MTREX: variants seen among roughly 807,000 people sequenced by gnomAD.
MTREX encodes the protein Mtr4 exosome RNA helicase.
MTREX carries 76 observed loss-of-function variants against 135.4 expected under a neutral mutation model. The ratio of observed to expected loss-of-function variants is 0.56; its 90% confidence interval spans 0.47 to 0.68. MTREX has a LOEUF of 0.68. MTREX is among the 30% of genes least tolerant of loss of function. The pLI is 0.00. For synonymous variants in MTREX, 404 were observed against 401.6 expected, an observed-to-expected ratio of 1.01 and a Z score of -0.07; for missense variants, 920 against 1,262.1, an observed-to-expected ratio of 0.73 and a Z score of 4.11.
At chr5:55,382,870 G>A (rs1313430345) in intron 18 of MTREX, among the ~76,000 whole-genome samples, 1 of 152,170 alleles carries the variant, frequency 6.6e-6, no homozygotes, top group Non-Finnish European at 1.5e-5. Flanking sequence ...CTAACCTCAG[G>A]TAATCCAGCT....
intron 1 of MTREX, among the ~76,000 whole-genome samples, chr5:55,320,873 T>G (rs529482085): frequency 6.6e-6 from 1 of 152,172 alleles, no homozygotes; most frequent in South Asian, 2.1e-4. Flanking sequence ...TACCCTGTCC[T>G]TTTTTAGTTA....
At chr5:55,384,399 T>G (rs542620179) in intron 18 of MTREX, among the ~76,000 whole-genome samples, 111 of 152,376 alleles carry the variant, frequency 7.3e-4, no homozygotes, top group African/African-American at 2.5e-3. Flanking sequence ...TTCTGTTTGA[T>G]ACAACATTGT....
At chr5:55,369,683 A>G (rs1477207846) in intron 16 of MTREX, among the ~76,000 whole-genome samples, 1 of 152,116 alleles carries the variant, frequency 6.6e-6, no homozygotes, top group Non-Finnish European at 1.5e-5. Flanking sequence ...TAAAAAGAAA[A>G]CCTTTTACCT....
At chr5:55,338,107 A>G (rs967614895) in intron 5 of MTREX, among the ~76,000 whole-genome samples, 1 of 152,162 alleles carries the variant, frequency 6.6e-6, no homozygotes, top group Non-Finnish European at 1.5e-5. Context: ...TGTGTTTTCT[A>G]AAAATATTAA....
intron 22 of MTREX, among the ~76,000 whole-genome samples, chr5:55,405,821 C>T (rs1379628523): frequency 6.6e-6 from 1 of 151,948 alleles, no homozygotes; most frequent in Non-Finnish European, 1.5e-5. Flanking sequence ...ATCTTCCACA[C>T]TAAATACAGT....
chr5:55,404,950 T>G (rs1750779175), intron 21 of MTREX, among the ~76,000 whole-genome samples: 1 of 151,864 alleles, frequency 6.6e-6, no homozygotes, highest in Non-Finnish European at 1.5e-5. Context: ...ACTACAGGCA[T>G]GCGCCCGCCA....
rs903612335 is a variant in MTREX at position 55,416,325 on chromosome 5, G to T, written c.2971+193G>T. Reference sequence around the variant, plus strand: ...TTTAATAAGCATAGTCTGTTCATTAGAAAGTCCTTTAGAAACTATTTTAAA... The same window carrying T: ...TTTAATAAGCATAGTCTGTTCATTATAAAGTCCTTTAGAAACTATTTTAAA... On this transcript the variant is annotated intron_variant, in intron 25 of 26. Transcript: ENST00000230640. Among the ~76,000 whole-genome samples the T allele has an allele frequency of 4.6e-5, 7 of 152,088 alleles. No homozygotes were observed. In the South Asian group the frequency reaches 1.4e-3, roughly 31 times the overall value.
chr5:55,313,953 A>G (rs1749157804), intron 1 of MTREX, among the ~76,000 whole-genome samples: 1 of 152,062 alleles, frequency 6.6e-6, no homozygotes, highest in Admixed American at 6.6e-5. Context: ...TATTTTGACC[A>G]AGAGATCATC....
intron 21 of MTREX, among the ~76,000 whole-genome samples, chr5:55,401,886 A>G (rs891384676): frequency 1.3e-5 from 2 of 151,628 alleles, no homozygotes; most frequent in Non-Finnish European, 1.5e-5. Context: ...GAAACTTACA[A>G]CTCCTTGCTG....
In MTREX at chr5:55,374,055, C is replaced by G. The variant is rs543394960; in HGVS notation, c.1811-4259C>G. The stretch of plus-strand genomic sequence containing the variant: ...AGTGGATCACTTGAGGCCAGGAGTT[C>G]AAGACCAGCCTGGCCAACATGGCGA... On this transcript the variant is annotated intron_variant, in intron 16 of 26. Coordinates refer to ENST00000230640, the MANE Select transcript of MTREX (RefSeq NM_015360.5). 1.4e-3 allele frequency among the ~76,000 whole-genome samples: 210 copies of G among 152,044 alleles called. 1 individual carries two copies. Among genetic ancestry groups the G allele is most frequent in the African/African-American group, 4.8e-3 (200 of 41,476 alleles).
chr5:55,390,098 C>A (rs1468888993), intron 19 of MTREX, among the ~76,000 whole-genome samples: 7 of 151,756 alleles, frequency 4.6e-5, no homozygotes, highest in African/African-American at 7.3e-5. Flanking sequence ...TTATAGAAGA[C>A]TACTTTCTTT....
chr5:55,317,686 C>G (rs1055777785), intron 1 of MTREX, among the ~76,000 whole-genome samples: 2 of 152,154 alleles, frequency 1.3e-5, no homozygotes, highest in African/African-American at 4.8e-5. Context: ...TGAAAGACAA[C>G]TAGGCAGTAT....
intron 1 of MTREX, among the ~76,000 whole-genome samples, chr5:55,311,925 A>G (rs1749119542): frequency 6.6e-6 from 1 of 152,196 alleles, no homozygotes; most frequent in Non-Finnish European, 1.5e-5. Context: ...ATGTATGTAT[A>G]TATACTGGAC....
Position 55,340,203 on chromosome 5 carries a change from C to T in MTREX, c.690+19C>T, listed in dbSNP as rs1484023508. On this transcript the variant is annotated intron_variant, in intron 6 of 26. Coordinates refer to ENST00000230640, the MANE Select transcript of MTREX (RefSeq NM_015360.5). Reference sequence around the variant, plus strand: ...CACAGAGGTAATTCATGTAGTGCCTCATCTGACTTTTCGTTTTTAATTAAA... The same window carrying T: ...CACAGAGGTAATTCATGTAGTGCCTTATCTGACTTTTCGTTTTTAATTAAA... 3 of 1,487,872 alleles carry T rather than the reference C, an allele frequency of 2.0e-6. No individual in the cohort carries two copies. The highest frequency in any genetic ancestry group is 2.7e-6 in the Non-Finnish European group (3 of 1,117,232). 92.2% of individuals were successfully genotyped at this position (1,487,872 alleles called of 1,614,324 possible). A position where few individuals can be genotyped will look rare whatever the true frequency, so the allele number is the denominator to read the frequency against.
At chr5:55,415,917 A>G in intron 24 of MTREX, 53 bp from the exon 25 acceptor site, 1 of 1,297,340 alleles carries the variant, frequency 7.7e-7, no homozygotes, top group Admixed American at 2.6e-5. Flanking sequence ...CCTAAAGAAT[A>G]AAGTGATATG....
chr5:55,424,787 ATG>A lies in MTREX; in HGVS notation c.*18_*19del. ...TCTACTTGTAGAGTCAGCTAAAGGA[ATG>A]TGAGATTTTAAATTATTGACCACCT... On this transcript the variant is annotated 3_prime_UTR_variant, in exon 27 of 27. Transcript: ENST00000230640. 1 of 1,596,064 alleles carries A rather than the reference ATG, an allele frequency of 6.3e-7. No individual in the cohort carries two copies. Among genetic ancestry groups the A allele is most frequent in the East Asian group, 2.2e-5 (1 of 44,792 alleles).
intron 7 of MTREX, 96 bp downstream of exon 7, chr5:55,341,867 G>C (rs1000487444): frequency 1.6e-6 from 1 of 606,356 alleles, no homozygotes; most frequent in Non-Finnish European, 2.9e-6. Flanking sequence ...TCTAGTTTTT[G>C]TGTGGCTAGG....
chr5:55,326,573 C>T (rs1378027830), intron 3 of MTREX, among the ~76,000 whole-genome samples: 1 of 152,096 alleles, frequency 6.6e-6, no homozygotes, highest in Non-Finnish European at 1.5e-5. Flanking sequence ...TTGAAATGTC[C>T]TCTGATTATA....
chr5:55,352,457 A>C (rs1202037750), intron 13 of MTREX, among the ~76,000 whole-genome samples: 3 of 152,170 alleles, frequency 2.0e-5, no homozygotes, highest in African/African-American at 7.2e-5. Context: ...TATGTAAAGT[A>C]AAAAAATGAA....
Sources: allele counts gnomAD v4.1 joint callset (sites outside exome capture counted in the v4.1 genomes callset), GRCh38; gene constraint gnomAD v4.1.1; transcripts MANE v1.5; gene names NCBI Gene and HGNC (gene_info 2026-07-23, HGNC 2026-07-21).